The following CASR variants were observed in gnomAD, a reference collection of about 807,000 sequenced individuals.
The protein encoded by CASR is calcium sensing receptor.
Under a neutral mutation model 69.1 loss-of-function variants are expected in CASR, and 23 were observed. The observed-to-expected ratio is 0.33, with a 90% CI of 0.24 to 0.47. CASR has a LOEUF of 0.47. CASR is among the 20% of genes least tolerant of loss of function. CASR has a pLI of 1.00. For synonymous variants in CASR, 541 were observed against 544.7 expected, an observed-to-expected ratio of 0.99 and a Z score of 0.10; for missense variants, 924 against 1,356.1, an observed-to-expected ratio of 0.68 and a Z score of 5.00.
At position 122,186,933 on chromosome 3, in the gene CASR, C is replaced by A. The variant is rs538242493; in HGVS notation, c.-243+3121C>A. ...ATTTTTGGCACTTTGGGAAAGAATG[C>A]TTTGTTATCACAGTATCAGTTGCAT... is the stretch of plus-strand genomic sequence containing the variant. On this transcript the variant is annotated intron_variant, in intron 1 of 6. Transcript: ENST00000639785. Among the ~76,000 whole-genome samples, 31 of 152,288 alleles carry A rather than the reference C, an allele frequency of 2.0e-4. No individual in the cohort carries two copies. In the South Asian group the frequency reaches 6.4e-3, roughly 32 times the overall value.
rs562599902 is a variant in CASR at position 122,209,570 on chromosome 3, T to A, written c.-243+25758T>A. Among the ~76,000 whole-genome samples the A allele has an allele frequency of 3.3e-4, 51 of 152,300 alleles. No individual in the cohort carries two copies. In the South Asian group the frequency reaches 7.3e-3, roughly 22 times the overall value. Reference sequence around the variant, plus strand: ...TGAAGCCATCGTATCTCATGAGACTTATTCACTGTCACAAGAATAGCATGG... The same window carrying A: ...TGAAGCCATCGTATCTCATGAGACTAATTCACTGTCACAAGAATAGCATGG... On this transcript the variant is annotated intron_variant, in intron 1 of 6. Coordinates refer to ENST00000639785, the MANE Select transcript of CASR (RefSeq NM_000388.4).
chr3:122,252,417 G>GA lies in CASR; in HGVS notation c.-242-1528dup, dbSNP rs1251409019. On this transcript the variant is annotated intron_variant, in intron 1 of 6. Transcript: ENST00000639785. The stretch of plus-strand genomic sequence containing the variant: ...AAGGAAGGAAGGAAGGAAAAAGAAA[G>GA]AAAGAAAGAAAGAAAGAAAGAAAGA... 1.4e-4 allele frequency among the ~76,000 whole-genome samples: 4 copies of GA among 28,682 alleles called. No homozygotes were observed. The East Asian group carries it at 2.5e-3, about 18-fold the overall frequency. 18.8% of individuals were successfully genotyped at this position (28,682 alleles called of 152,430 possible).
intron 1 of CASR, among the ~76,000 whole-genome samples, chr3:122,224,169 A>G (rs1325948280): frequency 6.6e-6 from 1 of 152,234 alleles, no homozygotes; most frequent in Non-Finnish European, 1.5e-5. Context: ...CCTATTCAGC[A>G]TAATACTGGA....
At chr3:122,270,041 C>T (rs1382288621) in intron 4 of CASR, among the ~76,000 whole-genome samples, 1 of 152,060 alleles carries the variant, frequency 6.6e-6, no homozygotes, top group East Asian at 1.9e-4. Flanking sequence ...GGGGTTTCAC[C>T]ATGTCGACCA....
At chr3:122,230,176 T>C (rs945182532) in intron 1 of CASR, among the ~76,000 whole-genome samples, 1 of 152,216 alleles carries the variant, frequency 6.6e-6, no homozygotes, top group Non-Finnish European at 1.5e-5. Flanking sequence ...GTCTGGGACA[T>C]TGGGACGAGA....
chr3:122,208,154 C>T (rs2074027472), intron 1 of CASR, among the ~76,000 whole-genome samples: 1 of 152,058 alleles, frequency 6.6e-6, no homozygotes, highest in African/African-American at 2.4e-5. Flanking sequence ...GTATATATTT[C>T]ACTTATCAAT....
chr3:122,262,808 A>G (rs2074644190), intron 4 of CASR, among the ~76,000 whole-genome samples: 1 of 152,232 alleles, frequency 6.6e-6, no homozygotes, highest in South Asian at 2.1e-4. Flanking sequence ...TAAGTGGCAT[A>G]AAGCTAGTAT....
intron 1 of CASR, among the ~76,000 whole-genome samples, chr3:122,226,084 A>G (rs536472840): frequency 7.6e-4 from 116 of 152,208 alleles, no homozygotes; most frequent in African/African-American, 2.8e-3. Flanking sequence ...AACGGGGAAG[A>G]TGGGGGGGTA....
At chr3:122,267,783 TA>T (rs549289197) in intron 4 of CASR, among the ~76,000 whole-genome samples, 3 of 151,922 alleles carry the variant, frequency 2.0e-5, no homozygotes, top group Admixed American at 6.6e-5. Flanking sequence ...AAAAAGTTGA[TA>T]AAAAAAATAA....
intron 4 of CASR, among the ~76,000 whole-genome samples, chr3:122,266,998 C>T (rs28703675): frequency 0.018 from 2,773 of 152,212 alleles, 75 homozygotes; most frequent in African/African-American, 0.06. Flanking sequence ...AGCGAGACTC[C>T]GTCTCAAAAT....
At chr3:122,194,511 C>CAAA (rs1252217545) in intron 1 of CASR, among the ~76,000 whole-genome samples, 1 of 151,484 alleles carries the variant, frequency 6.6e-6, no homozygotes, top group Non-Finnish European at 1.5e-5. Context: ...AACAAGAAGG[C>CAAA]AAAAAAAATA....
At chr3:122,202,912 G>C (rs996367964) in intron 1 of CASR, among the ~76,000 whole-genome samples, 1 of 152,118 alleles carries the variant, frequency 6.6e-6, no homozygotes, top group African/African-American at 2.4e-5. Context: ...AGAATAGTCT[G>C]CCCTTTCTCC....
intron 1 of CASR, among the ~76,000 whole-genome samples, chr3:122,241,842 G>A (rs2074381930): frequency 1.3e-5 from 2 of 151,964 alleles, no homozygotes; most frequent in African/African-American, 2.4e-5. Context: ...TGACCAAGTG[G>A]GATCTATCCT....
At chr3:122,186,528 C>T (rs2073785467) in intron 1 of CASR, among the ~76,000 whole-genome samples, 1 of 152,178 alleles carries the variant, frequency 6.6e-6, no homozygotes. Flanking sequence ...GGCTATGTGC[C>T]AGTCACTGGG....
intron 5 of CASR, among the ~76,000 whole-genome samples, chr3:122,277,727 A>G (rs912876313): frequency 6.6e-6 from 1 of 152,174 alleles, no homozygotes; most frequent in Admixed American, 6.5e-5. Flanking sequence ...CATCCAGTTT[A>G]TCTTTCACCC....
At chr3:122,201,023 G>C (rs1446588002) in intron 1 of CASR, among the ~76,000 whole-genome samples, 1 of 46,616 alleles carries the variant, frequency 2.1e-5, no homozygotes, top group Non-Finnish European at 4.5e-5. Flanking sequence ...TTTTTTTATT[G>C]ATCATTCTTG....
In CASR at chr3:122,285,162, A is replaced by G; in HGVS notation, c.3208A>G (p.Thr1070Ala). 1 of 1,614,174 alleles carries G rather than the reference A, an allele frequency of 6.2e-7. No homozygotes were observed. Among genetic ancestry groups the G allele is most frequent in the Non-Finnish European group, 8.5e-7 (1 of 1,180,038 alleles). Reference protein sequence around the residue: ...QSFVISGGGSTVTENVVNS With the variant: ...QSFVISGGGSAVTENVVNS Reference sequence around the variant, plus strand: ...CTTTGTCATCAGTGGTGGAGGCAGCACTGTTACAGAAAACGTAGTGAATTC... The same window carrying G: ...CTTTGTCATCAGTGGTGGAGGCAGCGCTGTTACAGAAAACGTAGTGAATTC... Residue 1070 changes from threonine (T) to alanine (A), a missense_variant, in exon 7 of 7, where the codon ACT (threonine) becomes GCT (alanine). By Grantham distance (58) the Thr-to-Ala change is moderately conservative. This residue lies in a region of CASR where 201 missense variants were observed against 228.8 expected (regional missense o/e 0.88). Coordinates refer to ENST00000639785, the MANE Select transcript of CASR (RefSeq NM_000388.4).
At chr3:122,239,704 G>A (rs1386359337) in intron 1 of CASR, among the ~76,000 whole-genome samples, 1 of 152,334 alleles carries the variant, frequency 6.6e-6, no homozygotes, top group Middle Eastern at 3.4e-3. Flanking sequence ...TCCAGCTCCA[G>A]GAACCTCAGC....
At chr3:122,225,384 G>GA (rs1000707991) in intron 1 of CASR, among the ~76,000 whole-genome samples, 60 of 144,762 alleles carry the variant, frequency 4.1e-4, no homozygotes, top group South Asian at 1.5e-3. Context: ...GAAAAAAAAA[G>GA]AAAAAAAAAC....
Sources: allele counts gnomAD v4.1 joint callset (sites outside exome capture counted in the v4.1 genomes callset), GRCh38; gene constraint gnomAD v4.1.1; regional missense constraint gnomAD v4.1.1; transcripts MANE v1.5; gene names NCBI Gene and HGNC (gene_info 2026-07-23, HGNC 2026-07-21).